The following SUGCT variants were observed in gnomAD, a reference collection of about 807,000 sequenced individuals.
SUGCT encodes the protein succinyl-CoA:glutarate CoA-transferase.
SUGCT carries 41 observed loss-of-function variants against 55.0 expected under a neutral mutation model. That is an observed-to-expected ratio of 0.74 (90% confidence interval 0.58 to 0.97). The LOEUF is 0.97. Among genes scored for constraint, SUGCT ranks in the 50% least tolerant of loss-of-function variants. SUGCT has a pLI of 0.00. For missense variants in SUGCT, 568 were observed against 547.8 expected (o/e 1.04, Z -0.37); for synonymous variants, 187 against 200.4 (o/e 0.93, Z 0.56).
intron 13 of SUGCT, among the ~76,000 whole-genome samples, chr7:40,803,656 A>C (rs1305339779): frequency 6.6e-6 from 1 of 152,224 alleles, no homozygotes; most frequent in Non-Finnish European, 1.5e-5. Context: ...CACAACTACT[A>C]TTAATTTTAC....
At chr7:40,614,728 TG>T (rs1226078290) in intron 12 of SUGCT, among the ~76,000 whole-genome samples, 1 of 152,248 alleles carries the variant, frequency 6.6e-6, no homozygotes, top group African/African-American at 2.4e-5. Context: ...AATGGCTGTG[TG>T]ACCCTGGGTA....
chr7:40,763,161 A>G (rs1047275025), intron 13 of SUGCT, among the ~76,000 whole-genome samples: 1 of 152,184 alleles, frequency 6.6e-6, no homozygotes, highest in Non-Finnish European at 1.5e-5. Context: ...ATGTGGAGCT[A>G]CACCTGATAG....
rs79508663 is a variant in SUGCT, at chr7:40,726,936, G to A, written c.1090-22498G>A. 4.3e-4 allele frequency among the ~76,000 whole-genome samples: 66 copies of A among 152,324 alleles called. No homozygotes were observed. The East Asian group carries it at 9.5e-3, about 22-fold the overall frequency. ...GCATGGCAGGAGAAGGATGAATGGG[G>A]TACTTAAGCAAAGCTCTCGAGACAG... is the stretch of plus-strand genomic sequence containing the variant. On this transcript the variant is annotated intron_variant, in intron 12 of 13. Coordinates refer to ENST00000335693, the MANE Select transcript of SUGCT (RefSeq NM_001193313.2).
rs928834280 is a variant in SUGCT at position 40,315,965 on chromosome 7, C to T, written c.721-795C>T. ...AATCAATTCATTATCTTCATATTATCGTCATATTGAGTTGAACTATTGTAG... is the reference window on the plus strand; with the variant it reads ...AATCAATTCATTATCTTCATATTATTGTCATATTGAGTTGAACTATTGTAG... On this transcript the variant is annotated intron_variant, in intron 8 of 13. Coordinates refer to ENST00000335693, the MANE Select transcript of SUGCT (RefSeq NM_001193313.2). 3.9e-5 allele frequency among the ~76,000 whole-genome samples: 6 copies of T among 152,196 alleles called. No individual in the cohort carries two copies. In the South Asian group the frequency reaches 6.2e-4, roughly 16 times the overall value.
intron 9 of SUGCT, among the ~76,000 whole-genome samples, chr7:40,406,063 G>A (rs1268846153): frequency 6.6e-6 from 1 of 152,018 alleles, no homozygotes; most frequent in East Asian, 1.9e-4. Context: ...TGGAGCATAG[G>A]GTTTTTCGAA....
At chr7:40,463,803 G>T (rs545152800) in intron 11 of SUGCT, among the ~76,000 whole-genome samples, 1 of 152,028 alleles carries the variant, frequency 6.6e-6, no homozygotes, top group African/African-American at 2.4e-5. Flanking sequence ...TTTTATCCAG[G>T]GTGTTGCAGA....
intron 12 of SUGCT, among the ~76,000 whole-genome samples, chr7:40,507,021 T>A (rs922560555): frequency 2.6e-5 from 4 of 152,116 alleles, no homozygotes; most frequent in African/African-American, 4.8e-5. Context: ...GATTTGAAGT[T>A]TTTTTTTCTC....
intron 8 of SUGCT, among the ~76,000 whole-genome samples, chr7:40,280,829 G>GTAAC (rs2151018030): frequency 6.6e-6 from 1 of 152,232 alleles, no homozygotes; most frequent in Non-Finnish European, 1.5e-5. Flanking sequence ...AGTGGGTTAT[G>GTAAC]TAACCATCAG....
At chr7:41,023,362 T>C in the SUGCT span, among the ~76,000 whole-genome samples, 2 of 151,782 alleles carry the variant, frequency 1.3e-5, no homozygotes, top group Non-Finnish European at 2.9e-5. Context: ...AAGTAAGGAA[T>C]GAGAAAAGAG....
the SUGCT span, among the ~76,000 whole-genome samples, chr7:40,985,680 A>G: frequency 2.0e-5 from 3 of 152,214 alleles, no homozygotes; most frequent in African/African-American, 4.8e-5. Context: ...ATAGACCACC[A>G]TAGTATGAAT....
In SUGCT at chr7:40,584,717, T is replaced by C. The variant is rs149933315; in HGVS notation, c.1089+88331T>C. Among the ~76,000 whole-genome samples the C allele has an allele frequency of 3.7e-3, 569 of 152,316 alleles. 5 individuals carry two copies. Among genetic ancestry groups the C allele is most frequent in the African/African-American group, 0.012 (517 of 41,580 alleles). ...GAGCTAGATGGTGATAGAGCTGGGATTGGCATATGGATATTGTTCCAAATC... is the reference window on the plus strand; with the variant it reads ...GAGCTAGATGGTGATAGAGCTGGGACTGGCATATGGATATTGTTCCAAATC... On this transcript the variant is annotated intron_variant, in intron 12 of 13. Transcript: ENST00000335693.
At chr7:40,807,470 A>G (rs1791164734) in intron 13 of SUGCT, among the ~76,000 whole-genome samples, 1 of 152,218 alleles carries the variant, frequency 6.6e-6, no homozygotes, top group Non-Finnish European at 1.5e-5. Flanking sequence ...GTTTCTCCGC[A>G]GAAACAGGTG....
intron 9 of SUGCT, among the ~76,000 whole-genome samples, chr7:40,321,078 C>CTTT (rs35504638): frequency 8.7e-5 from 12 of 138,192 alleles, no homozygotes; most frequent in East Asian, 2.1e-4. Context: ...TTCTTTCTTT[C>CTTT]TTTTTTTTTT....
At chr7:40,542,122 A>G (rs146163789) in intron 12 of SUGCT, among the ~76,000 whole-genome samples, 41 of 152,316 alleles carry the variant, frequency 2.7e-4, no homozygotes, top group African/African-American at 9.6e-4. Flanking sequence ...TGTGAAGCAA[A>G]GTAAAGATAA....
chr7:40,396,871 A>C, intron 9 of SUGCT, among the ~76,000 whole-genome samples: 1 of 152,188 alleles, frequency 6.6e-6, no homozygotes, highest in East Asian at 1.9e-4. Context: ...AAGCAAGACA[A>C]AAAAGATCAT....
At chr7:40,156,831 G>T (rs1273537182) in intron 1 of SUGCT, among the ~76,000 whole-genome samples, 1 of 151,790 alleles carries the variant, frequency 6.6e-6, no homozygotes, top group African/African-American at 2.4e-5. Flanking sequence ...CCTGGCCAAC[G>T]TGGTGAAACC....
intron 12 of SUGCT, among the ~76,000 whole-genome samples, chr7:40,644,482 T>C (rs924569177): frequency 6.6e-6 from 1 of 152,208 alleles, no homozygotes; most frequent in Non-Finnish European, 1.5e-5. Flanking sequence ...TGGGCCACCA[T>C]GGGTGGATCT....
intron 7 of SUGCT, among the ~76,000 whole-genome samples, chr7:40,264,558 T>C (rs77589132): frequency 6.6e-6 from 1 of 152,180 alleles, no homozygotes; most frequent in African/African-American, 2.4e-5. Context: ...GAAACCCTCA[T>C]TTGATCTGAA....
intron 12 of SUGCT, among the ~76,000 whole-genome samples, chr7:40,713,209 G>A (rs996219735): frequency 5.9e-5 from 9 of 152,118 alleles, no homozygotes; most frequent in Non-Finnish European, 8.8e-5. Context: ...GTGTAGTCTG[G>A]TGTAGACCTT....
Sources: gnomAD v4.1 joint callset for allele counts (sites outside exome capture counted in the v4.1 genomes callset) on GRCh38, gnomAD v4.1.1 for gene constraint, MANE v1.5 for transcripts, NCBI Gene and HGNC (gene_info 2026-07-23, HGNC 2026-07-21) for gene names.